HMGCLL1: variants seen among roughly 807,000 people sequenced by gnomAD.
The protein encoded by HMGCLL1 is 3-hydroxymethyl-3-methylglutaryl-CoA lyase, cytoplasmic.
A neutral mutation model predicts 39.1 loss-of-function variants in HMGCLL1; 36 were observed. That is an observed-to-expected ratio of 0.92 (90% CI 0.71 to 1.22). The LOEUF is 1.22. Ranked by LOEUF, HMGCLL1 falls within the 50% of genes most tolerant of loss-of-function variation. The pLI is 0.00. For missense variants in HMGCLL1, 451 were observed against 416.5 expected, an observed-to-expected ratio of 1.08 and a Z score of -0.72; for synonymous variants, 149 against 144.0, an observed-to-expected ratio of 1.03 and a Z score of -0.25.
chr6:55,491,045 T>A (rs1177033402), intron 7 of HMGCLL1, among the ~76,000 whole-genome samples: 1 of 152,162 alleles, frequency 6.6e-6, no homozygotes, highest in African/African-American at 2.4e-5. Flanking sequence ...CATGTATTGT[T>A]ATCAAGGCAT....
chr6:55,447,715 T>A (rs1310553351), intron 7 of HMGCLL1, among the ~76,000 whole-genome samples: 1 of 152,102 alleles, frequency 6.6e-6, no homozygotes, highest in Non-Finnish European at 1.5e-5. Context: ...ATGATAAAGC[T>A]CCACAAAGTC....
At chr6:55,500,153 TGGAGA>T (rs1282289073) in intron 5 of HMGCLL1, among the ~76,000 whole-genome samples, 17 of 152,102 alleles carry the variant, frequency 1.1e-4, no homozygotes, top group Non-Finnish European at 2.4e-4. Flanking sequence ...GAAATGAGGC[TGGAGA>T]TCGAATATGG....
At chr6:55,616,774 GT>G in the HMGCLL1 span, among the ~76,000 whole-genome samples, 1 of 151,816 alleles carries the variant, frequency 6.6e-6, no homozygotes, top group Middle Eastern at 3.4e-3. Flanking sequence ...CAAACTAGAA[GT>G]AAAAAATATC....
Position 55,463,940 on chromosome 6 carries a change from G to T in HMGCLL1, c.796-24381C>A, listed in dbSNP as rs796562347. Among the ~76,000 whole-genome samples, 26 of 152,256 alleles carry T rather than the reference G, an allele frequency of 1.7e-4. No individual in the cohort carries two copies. The East Asian group carries it at 4.2e-3, about 25-fold the overall frequency. On this transcript the variant is annotated intron_variant, in intron 7 of 8. Transcript: ENST00000274901. ...GAAGAAAAAATGAGAATATAAAACA[G>T]GTAGAAGTCCAGAAACCACCCAACG...
At chr6:55,522,314 C>T (rs1163688001) in intron 3 of HMGCLL1, among the ~76,000 whole-genome samples, 1 of 151,748 alleles carries the variant, frequency 6.6e-6, no homozygotes, top group Non-Finnish European at 1.5e-5. Context: ...TAACATTTTT[C>T]AAAGTATACA....
chr6:55,648,357 A>G, the HMGCLL1 span, among the ~76,000 whole-genome samples: 2 of 147,550 alleles, frequency 1.4e-5, no homozygotes, highest in Non-Finnish European at 1.5e-5. Flanking sequence ...GCAAGAAATA[A>G]CTAAAATCAG....
the HMGCLL1 span, among the ~76,000 whole-genome samples, chr6:55,628,909 T>A: frequency 2.0e-5 from 3 of 152,172 alleles, no homozygotes; most frequent in Non-Finnish European, 4.4e-5. Context: ...CTCAGTCATG[T>A]GGAACTGTAA....
intron 1 of HMGCLL1, among the ~76,000 whole-genome samples, chr6:55,552,398 A>G (rs912971010): frequency 2.0e-5 from 3 of 152,014 alleles, no homozygotes; most frequent in African/African-American, 7.3e-5. Flanking sequence ...CTATCCAGGT[A>G]GAAACTATTA....
At chr6:55,603,115 T>A in the HMGCLL1 span, among the ~76,000 whole-genome samples, 1 of 152,238 alleles carries the variant, frequency 6.6e-6, no homozygotes, top group African/African-American at 2.4e-5. Flanking sequence ...GTCTACCGCC[T>A]CTTCAGATAA....
chr6:55,441,351 G>C (rs1055832188), intron 7 of HMGCLL1, among the ~76,000 whole-genome samples: 1 of 152,098 alleles, frequency 6.6e-6, no homozygotes, highest in African/African-American at 2.4e-5. Flanking sequence ...TAATTTAGTA[G>C]GAATTGCTAA....
At chr6:55,500,180 T>TG (rs1325477526) in intron 5 of HMGCLL1, among the ~76,000 whole-genome samples, 8 of 152,014 alleles carry the variant, frequency 5.3e-5, no homozygotes, top group Admixed American at 5.3e-4. Flanking sequence ...GGTCACAATA[T>TG]GAAAGGGTTT....
chr6:55,675,915 T>A, the HMGCLL1 span, among the ~76,000 whole-genome samples: 1 of 152,170 alleles, frequency 6.6e-6, no homozygotes, highest in East Asian at 1.9e-4. Context: ...TTTTTATTAC[T>A]CATTTTAGAA....
chr6:55,578,851 G>A, intron 1 of HMGCLL1, 97 bp downstream of exon 1: 1 of 843,262 alleles, frequency 1.2e-6, no homozygotes, highest in Non-Finnish European at 2.0e-6. Context: ...GTGAGGAGGT[G>A]ACATAAAGGG....
At chr6:55,576,340 T>C (rs919254733) in intron 1 of HMGCLL1, among the ~76,000 whole-genome samples, 3 of 152,034 alleles carry the variant, frequency 2.0e-5, no homozygotes, top group Admixed American at 6.6e-5. Flanking sequence ...CAATTTATTA[T>C]AGAACTCAAA....
chr6:55,580,795 G>C (rs1771971925), upstream of HMGCLL1, among the ~76,000 whole-genome samples: 1 of 152,048 alleles, frequency 6.6e-6, no homozygotes, highest in Admixed American at 6.6e-5. Flanking sequence ...ACTCTGTAAA[G>C]CACCAAAACT....
At chr6:55,538,809 G>T (rs537102920) in intron 3 of HMGCLL1, among the ~76,000 whole-genome samples, 1 of 151,512 alleles carries the variant, frequency 6.6e-6, no homozygotes, top group Non-Finnish European at 1.5e-5. Context: ...ATAGGTAGTG[G>T]CTAATCAAAA....
At chr6:55,441,098 C>T (rs1450732568) in intron 7 of HMGCLL1, among the ~76,000 whole-genome samples, 1 of 152,024 alleles carries the variant, frequency 6.6e-6, no homozygotes, top group Non-Finnish European at 1.5e-5. Flanking sequence ...AGAGACTGTG[C>T]TGAAATCCAA....
chr6:55,451,475 T>A (rs1764077409), intron 7 of HMGCLL1, among the ~76,000 whole-genome samples: 1 of 151,932 alleles, frequency 6.6e-6, no homozygotes, highest in Non-Finnish European at 1.5e-5. Context: ...ATACAAAAAT[T>A]AGCCGGGCAC....
the HMGCLL1 span, among the ~76,000 whole-genome samples, chr6:55,611,811 C>A: frequency 6.8e-4 from 104 of 152,152 alleles, 2 homozygotes; most frequent in South Asian, 0.013. Flanking sequence ...ATCTCAAACT[C>A]ATAAGAGCTA....
Sources: gnomAD v4.1 joint callset for allele counts (sites outside exome capture counted in the v4.1 genomes callset) on GRCh38, gnomAD v4.1.1 for gene constraint, MANE v1.5 for transcripts, NCBI Gene and HGNC (gene_info 2026-07-23, HGNC 2026-07-21) for gene names.